DBN1: variants seen among roughly 807,000 people sequenced by gnomAD.
The protein encoded by DBN1 is drebrin 1.
A neutral mutation model predicts 83.5 loss-of-function variants in DBN1; 21 were observed. The observed-to-expected ratio is 0.25, with a 90% confidence interval of 0.18 to 0.36. The LOEUF (loss-of-function observed/expected upper bound fraction) is 0.36. Ranked by LOEUF, DBN1 falls within the 10% of genes least tolerant of loss-of-function variation. The pLI, the probability that DBN1 is intolerant of heterozygous loss-of-function variation, is 1.00. For synonymous variants in DBN1, 381 were observed against 384.9 expected (o/e 0.99, Z 0.12); for missense variants, 874 against 935.7 (o/e 0.93, Z 0.86).
chr5:177,460,585 G>A, intron 9 of DBN1, 30 bp from the exon 10 acceptor site: 1 of 1,614,110 alleles, frequency 6.2e-7, no homozygotes, highest in Non-Finnish European at 8.5e-7. Flanking sequence ...GTTGGGGCTG[G>A]GCCAGGCAAG....
Position 177,473,440 on chromosome 5 carries a change from C to A in DBN1, c.82G>T (p.Asp28Tyr). ...GGGCGGGGGCGGGGGGCTCACCAGT[C>A]GGCCGCGCTCTCCTCTCGGATCACC... ...EEVIREESAA[D>Y]WALYTYEDGS... is the part of the protein sequence containing the mutation. Residue 28 changes from aspartate to tyrosine, a missense_variant, in exon 1 of 15, where the codon GAC (aspartate) becomes TAC (tyrosine). By Grantham distance (160) the Asp-to-Tyr change is radical (BLOSUM62 -3). This residue lies in a region of DBN1 where 82 missense variants were observed against 101.7 expected (regional missense o/e 0.81). Transcript: ENST00000393565. 7.0e-7 allele frequency: 1 copy of A among 1,423,074 alleles called. No individual in the cohort carries two copies. The highest frequency in any genetic ancestry group is 9.3e-7 in the Non-Finnish European group (1 of 1,080,396). 88.2% of individuals were successfully genotyped at this position (1,423,074 alleles called of 1,614,324 possible).
Position 177,458,451 on chromosome 5 carries a change from G to C in DBN1, c.1521C>G (p.Asp507Glu), listed in dbSNP as rs868474876. The C allele has an allele frequency of 1.2e-6, 2 of 1,614,216 alleles. No individual in the cohort carries two copies. The highest frequency in any genetic ancestry group is 3.3e-4 in the Middle Eastern group (2 of 6,062). The part of the protein sequence containing the change: ...DTIETDTATA[D>E]TTVANNVPPA... The stretch of plus-strand genomic sequence containing the variant: ...GGGGTACGTTGTTGGCAACAGTGGT[G>C]TCAGCAGTGGCAGTGTCAGTTTCAA... The change falls in exon 13 of 15, where the codon GAC becomes GAG. Residue 507 changes from aspartate (D) to glutamate (E), a missense_variant. Asp to Glu is a conservative substitution (Grantham distance 45). This residue lies in a region of DBN1 where 725 missense variants were observed against 719.7 expected (regional missense o/e 1.01). Coordinates refer to ENST00000393565, the MANE Select transcript of DBN1 (RefSeq NM_001363541.2).
chr5:177,462,590 C>CG (rs1757130665), intron 8 of DBN1, among the ~76,000 whole-genome samples: 1 of 152,222 alleles, frequency 6.6e-6, no homozygotes, highest in African/African-American at 2.4e-5. Flanking sequence ...CAGCACAAGG[C>CG]GGGCGCATGT....
chr5:177,472,073 G>C, intron 1 of DBN1: 1 of 1,583,518 alleles, frequency 6.3e-7, no homozygotes, highest in Non-Finnish European at 8.6e-7. Context: ...GACAATGGGT[G>C]GGCCGCCTGC....
chr5:177,467,016 T>C lies in DBN1; in HGVS notation c.602A>G (p.Asp201Gly). ...RKEEERKKALDERLRFEQERM... is the reference protein window; with the variant it reads ...RKEEERKKALGERLRFEQERM... ...CTCCTGCTCGAACCTGAGCCTCTCA[T>C]CCAGGGCCTTCTTCCGCTCCTCCTC... Residue 201 changes from aspartate to glycine, a missense_variant, in exon 7 of 15, where the codon GAT becomes GGT. This residue lies in a region of DBN1 where 725 missense variants were observed against 719.7 expected (regional missense o/e 1.01). Transcript: ENST00000393565. This position sits in a 1 kb window ranked among gnomAD's most constrained non-coding sequence, Gnocchi z 9.1. The C allele has an allele frequency of 6.2e-7, 1 of 1,613,812 alleles. No individual in the cohort carries two copies. Among genetic ancestry groups the C allele is most frequent in the Non-Finnish European group, 8.5e-7 (1 of 1,179,934 alleles).
chr5:177,472,761 G>C, intron 1 of DBN1: 1 of 988,916 alleles, frequency 1.0e-6, no homozygotes, highest in Non-Finnish European at 1.2e-6. Context: ...CTTCAGGTAG[G>C]GGAGGAGAGC....
chr5:177,460,503 T>C lies in DBN1; in HGVS notation c.884A>G (p.Lys295Arg). 6.2e-7 allele frequency: 1 copy of C among 1,614,204 alleles called. No individual in the cohort carries two copies. Among genetic ancestry groups the C allele is most frequent in the Non-Finnish European group, 8.5e-7 (1 of 1,180,030 alleles). The change falls in exon 10 of 15, where the codon AAG becomes AGG. Residue 295 changes from lysine (K) to arginine (R), a missense_variant. Coordinates refer to ENST00000393565, the MANE Select transcript of DBN1 (RefSeq NM_001363541.2). Reference sequence around the variant, plus strand: ...GGCCGATGCGACTCTTTCCTGCTGCTTGAAGAACTCCCTTGGGTTGTCAGG... The same window carrying C: ...GGCCGATGCGACTCTTTCCTGCTGCCTGAAGAACTCCCTTGGGTTGTCAGG... ...QRPDNPREFF[K>R]QQERVASASA...
In DBN1 at chr5:177,457,965, G is replaced by A. The variant is rs776926457; in HGVS notation, c.1914+93C>T. 4 of 1,539,290 alleles carry A rather than the reference G, an allele frequency of 2.6e-6. No individual in the cohort carries two copies. In the East Asian group the frequency reaches 6.7e-5, roughly 26 times the overall value. ...TCAAATAATGTGGGTCACAGAGAAG[G>A]GGGTACTGGTGCAAGCATGAGGAAT... On this transcript the variant is annotated intron_variant, in intron 13 of 14. Coordinates refer to ENST00000393565, the MANE Select transcript of DBN1 (RefSeq NM_001363541.2).
chr5:177,459,397 C>A, intron 11 of DBN1, 129 bp from the exon 12 acceptor site: 1 of 1,442,784 alleles, frequency 6.9e-7, no homozygotes, highest in African/African-American at 1.4e-5. Flanking sequence ...TCCAGCCCCA[C>A]CAGGGGCCAG....
In DBN1 at chr5:177,466,506, G is replaced by T. The variant is rs1417539778; in HGVS notation, c.771+266C>A. ...CCCCAGGGCAGGGGAGGGGGAGCCT[G>T]GTCAGTGAGGGTCTGGGTCTAGATG... is the stretch of plus-strand genomic sequence containing the variant. On this transcript the variant is annotated intron_variant, in intron 8 of 14. Coordinates refer to ENST00000393565, the MANE Select transcript of DBN1 (RefSeq NM_001363541.2). This position sits in a 1 kb window ranked among gnomAD's most constrained non-coding sequence, Gnocchi z 4.8. Among the ~76,000 whole-genome samples the T allele has an allele frequency of 6.6e-6, 1 of 152,202 alleles. No individual in the cohort carries two copies. The highest frequency in any genetic ancestry group is 1.5e-5 in the Non-Finnish European group (1 of 68,034).
In DBN1 at chr5:177,465,017, G is replaced by A. The variant is rs1475256351; in HGVS notation, c.771+1755C>T. Among the ~76,000 whole-genome samples the A allele has an allele frequency of 3.9e-5, 6 of 152,326 alleles. No homozygotes were observed. The East Asian group carries it at 1.2e-3, about 29-fold the overall frequency. ...AAAATACAAAAAATTAGCCGGACGT[G>A]GTGGCGGGCACCTGTAGTCCCAGCT... On this transcript the variant is annotated intron_variant, in intron 8 of 14. Transcript: ENST00000393565.
At position 177,461,254 on chromosome 5, in the gene DBN1, A is replaced by G. The variant is rs529953581; in HGVS notation, c.772-551T>C. On this transcript the variant is annotated intron_variant, in intron 8 of 14. Transcript: ENST00000393565. ...GCTGGGACTACAGGCGCCCGCCACT[A>G]CGCCCGGCTAATTTTTTGTATTTTT... Among the ~76,000 whole-genome samples, 14 of 150,380 alleles carry G rather than the reference A, an allele frequency of 9.3e-5. No homozygotes were observed. In the East Asian group the frequency reaches 2.5e-3, roughly 27 times the overall value.
At chr5:177,472,017 G>T in intron 1 of DBN1, 2 of 1,357,608 alleles carry the variant, frequency 1.5e-6, no homozygotes, top group Non-Finnish European at 2.0e-6. Context: ...CCGGCCACTT[G>T]CCCAGAGCTC....
chr5:177,460,021 G>A (rs1374593368), intron 10 of DBN1, among the ~76,000 whole-genome samples: 2 of 152,190 alleles, frequency 1.3e-5, no homozygotes, highest in Non-Finnish European at 2.9e-5. Flanking sequence ...CAGGAGAGGC[G>A]GAAGCAGCAC....
In DBN1 at chr5:177,460,566, G is replaced by A. The variant is rs771714054; in HGVS notation, c.832-11C>T. ...AATAGCTGCTGCCTCCTGAGGGCAC[G>A]AGGAAAAGGTTGGGGCTGGGCCAGG... On this transcript the variant is annotated splice_polypyrimidine_tract_variant and intron_variant, in intron 9 of 14. Transcript: ENST00000393565. 7.4e-6 allele frequency: 12 copies of A among 1,614,056 alleles called. No homozygotes were observed. The East Asian group carries it at 1.1e-4, about 15-fold the overall frequency.
At position 177,467,218 on chromosome 5, in the gene DBN1, G is replaced by C. The variant is rs754368370; in HGVS notation, c.555+37C>G. On this transcript the variant is annotated intron_variant, in intron 6 of 14. Coordinates refer to ENST00000393565, the MANE Select transcript of DBN1 (RefSeq NM_001363541.2). This position sits in a 1 kb window ranked among gnomAD's most constrained non-coding sequence, Gnocchi z 9.1. ...CAGACCTGCCCCATGGGGTCCATGA[G>C]GGGTGGCTCAGCCAGGCCGGGCTCA... 5 of 1,612,912 alleles carry C rather than the reference G, an allele frequency of 3.1e-6. No homozygotes were observed. Among genetic ancestry groups the C allele is most frequent in the Non-Finnish European group, 4.2e-6 (5 of 1,178,984 alleles).
rs940063141 is a variant in DBN1 at position 177,472,919 on chromosome 5, C to T, written c.86+517G>A. 7 of 804,590 alleles carry T rather than the reference C, an allele frequency of 8.7e-6. No homozygotes were observed. The Admixed American group carries it at 1.9e-4, about 21-fold the overall frequency. The allele number at this position is 804,590 out of a possible 1,614,324, so 49.8% of individuals were successfully genotyped here. A position where few individuals can be genotyped will look rare whatever the true frequency, so the allele number is the denominator to read the frequency against. On this transcript the variant is annotated intron_variant, in intron 1 of 14. Transcript: ENST00000393565. ...GAGGCCCCCCGGTGGGCGGGGCGCCCGGCCCCCAGCCCGCTCCGCTCCTCC... is the reference window on the plus strand; with the variant it reads ...GAGGCCCCCCGGTGGGCGGGGCGCCTGGCCCCCAGCCCGCTCCGCTCCTCC...
At chr5:177,457,885 C>A in intron 13 of DBN1, 128 bp from the exon 14 acceptor site, 1 of 1,075,282 alleles carries the variant, frequency 9.3e-7, no homozygotes. Flanking sequence ...AGGATGCCTG[C>A]CTTGGGAACA....
At chr5:177,458,879 G>A (rs1756780435) in intron 12 of DBN1, among the ~76,000 whole-genome samples, 172 bp from the exon 13 acceptor site, 1 of 152,198 alleles carries the variant, frequency 6.6e-6, no homozygotes, top group African/African-American at 2.4e-5. Context: ...CGGGAGGAAG[G>A]CCAAGGCCCG....
Sources: gnomAD v4.1 joint callset for allele counts (sites outside exome capture counted in the v4.1 genomes callset) on GRCh38, gnomAD v4.1.1 for gene constraint, gnomAD v4.1.1 regional missense constraint, Gnocchi (gnomAD v3.1) non-coding constraint, MANE v1.5 for transcripts, NCBI Gene and HGNC (gene_info 2026-07-23, HGNC 2026-07-21) for gene names.